BICDL2: variants seen among roughly 807,000 people sequenced by gnomAD.
BICDL2 encodes the protein BICD family-like cargo adapter 2.
A neutral mutation model predicts 56.6 loss-of-function variants in BICDL2; 62 were observed. That is an observed-to-expected ratio of 1.10 (90% CI 0.89 to 1.35). The LOEUF (loss-of-function observed/expected upper bound fraction) is 1.35, where lower values mean the gene tolerates loss of function less well. Among genes scored for constraint, BICDL2 ranks in the 40% most tolerant of loss-of-function variants. The pLI is 0.00. For synonymous variants in BICDL2, 358 were observed against 319.8 expected (o/e 1.12, Z -1.27); for missense variants, 808 against 684.5 (o/e 1.18, Z -2.01).
intron 5 of BICDL2, 78 bp from the exon 6 acceptor site, chr16:3,029,817 A>C: frequency 2.4e-6 from 3 of 1,271,846 alleles, no homozygotes; most frequent in Non-Finnish European, 3.1e-6. Context: ...GCAGGTCCAC[A>C]CGGGGGTGCC....
Position 3,028,291 on chromosome 16 carries a change from C to T in BICDL2, c.1360-18G>A. The stretch of plus-strand genomic sequence containing the variant: ...ATGTCGTCCTGCGGGAGGCCGTGGT[C>T]GGCTCAGCGCCGGTCCCGCCCCTTG... On this transcript the variant is annotated intron_variant, in intron 9 of 9. Coordinates refer to ENST00000572449, the MANE Select transcript of BICDL2 (RefSeq NM_001369667.1). The T allele has an allele frequency of 1.3e-6, 2 of 1,493,300 alleles. No individual in the cohort carries two copies. Among genetic ancestry groups the T allele is most frequent in the South Asian group, 1.3e-5 (1 of 76,420 alleles). The allele number at this position is 1,493,300 out of a possible 1,614,324, so 92.5% of individuals were successfully genotyped here.
At chr16:3,033,269 C>T (rs1955681863) in intron 2 of BICDL2, among the ~76,000 whole-genome samples, 1 of 152,136 alleles carries the variant, frequency 6.6e-6, no homozygotes, top group Non-Finnish European at 1.5e-5. Flanking sequence ...CGCACCACTG[C>T]ACTCCAGCCT....
At chr16:3,031,203 G>A in intron 2 of BICDL2, 53 bp from the exon 3 acceptor site, 1 of 1,472,396 alleles carries the variant, frequency 6.8e-7, no homozygotes, top group Non-Finnish European at 9.1e-7. Context: ...ATGAGACTGG[G>A]CAGGCACAGA....
At chr16:3,033,608 T>C (rs2526278) in intron 2 of BICDL2, among the ~76,000 whole-genome samples, 91,053 of 151,886 alleles carry the variant, frequency 0.6, 27,607 homozygotes, top group Non-Finnish European at 0.62. Flanking sequence ...TGGTGAGACC[T>C]CATCTCTACA....
At position 3,029,658 on chromosome 16, in the gene BICDL2, C is replaced by A; in HGVS notation, c.844G>T (p.Glu282Ter). The A allele has an allele frequency of 6.5e-7, 1 of 1,537,194 alleles. No homozygotes were observed. The highest frequency in any genetic ancestry group is 8.7e-7 in the Non-Finnish European group (1 of 1,146,782). The change falls in exon 6 of 10, where the codon GAG (glutamate) becomes TAG (stop). Residue 282 changes from glutamate to a stop codon, truncating the protein, a stop_gained. Transcript: ENST00000572449. LOFTEE classifies it high-confidence loss of function. ...LQRRVSELEEESRLQDADVSA... is the reference protein window; with the variant it reads ...LQRRVSELEE Reference sequence around the variant, plus strand: ...ACGTCGGCGTCCTGGAGGCGTGACTCCTCCTCCAGCTCGGAGACGCGCCGC... The same window carrying A: ...ACGTCGGCGTCCTGGAGGCGTGACTACTCCTCCAGCTCGGAGACGCGCCGC...
chr16:3,031,569 C>G (rs891812002), intron 2 of BICDL2: 7 of 416,684 alleles, frequency 1.7e-5, no homozygotes, highest in Non-Finnish European at 3.0e-5. Context: ...CCAGCTCCTC[C>G]TAGCCAGTTC....
rs1382738959 is a variant in BICDL2, at chr16:3,028,087, A to G, written c.*19T>C. On this transcript the variant is annotated 3_prime_UTR_variant, in exon 10 of 10. Transcript: ENST00000572449. ...AGTGAGCCCCTAAGTGGGCAAGGGC[A>G]GCCCTCTGGGCCCAGCCGTCAGGTC... The G allele has an allele frequency of 8.5e-6, 12 of 1,407,520 alleles. No individual in the cohort carries two copies. The highest frequency in any genetic ancestry group is 1.0e-5 in the Non-Finnish European group (11 of 1,083,218). The allele number at this position is 1,407,520 out of a possible 1,614,324, so 87.2% of individuals were successfully genotyped here.
intron 4 of BICDL2, 46 bp downstream of exon 4, chr16:3,030,650 C>T (rs201834174): frequency 1.7e-5 from 27 of 1,594,526 alleles, no homozygotes; most frequent in East Asian, 6.8e-5. Context: ...GCCCTCAGCC[C>T]GGCTTTTTTG....
chr16:3,035,120 TCCTTCCCTTGCCTGACTC>T (rs1187937904), intron 2 of BICDL2, 77 bp downstream of exon 2: 2 of 1,240,724 alleles, frequency 1.6e-6, no homozygotes. Flanking sequence ...AGCTCCTCTC[TCCTTCCCTTGCCTGACTC>T]CCTTCCCTTG....
chr16:3,028,642 C>A, intron 8 of BICDL2, 58 bp downstream of exon 8: 1 of 1,537,098 alleles, frequency 6.5e-7, no homozygotes, highest in Non-Finnish European at 8.8e-7. Context: ...GAAGAGGAAT[C>A]AGGAGCCCAG....
Position 3,035,411 on chromosome 16 carries a change from A to T in BICDL2, c.86T>A (p.Phe29Tyr). 6.2e-7 allele frequency: 1 copy of T among 1,612,526 alleles called. No homozygotes were observed. Among genetic ancestry groups the T allele is most frequent in the Non-Finnish European group, 8.5e-7 (1 of 1,179,744 alleles). Residue 29 changes from phenylalanine to tyrosine, a missense_variant, in exon 2 of 10, where the codon TTT becomes TAT. Transcript: ENST00000572449. ...SPSGDEGFFP[F>Y]VLERRDSFLG... ...GAATGAGTCCCGCCGCTCCAGCACA[A>T]AGGGGAAGAAGCCCTCGTCGCCGCT... is the stretch of plus-strand genomic sequence containing the variant.
At chr16:3,036,814 CA>C in intron 1 of BICDL2, 79 bp downstream of exon 1, 1 of 333,820 alleles carries the variant, frequency 3.0e-6, no homozygotes, top group Non-Finnish European at 5.8e-6. Flanking sequence ...CCGGCTCCCC[CA>C]CCTTCTCCGC....
In BICDL2 at chr16:3,029,275, C is replaced by T; in HGVS notation, c.1107+5G>A. The T allele has an allele frequency of 6.2e-7, 1 of 1,609,924 alleles. No homozygotes were observed. On this transcript the variant is annotated splice_donor_5th_base_variant and intron_variant, in intron 7 of 9. Transcript: ENST00000572449. ...GTGCATCCAGCACCGTGCCCTCTGC[C>T]CCACCTCATCTTGCAGCTTGGCCAC...
At position 3,035,226 on chromosome 16, in the gene BICDL2, C is replaced by G; in HGVS notation, c.271G>C (p.Glu91Gln). ...CAGTGCTAGCTCACTTCCTCACGCTCCAAGTGCTGGGCGCTCAGCGTCTCC... is the reference window on the plus strand; with the variant it reads ...CAGTGCTAGCTCACTTCCTCACGCTGCAAGTGCTGGGCGCTCAGCGTCTCC... ...QLETLSAQHLEREERLQQENH... is the reference protein window; with the variant it reads ...QLETLSAQHLQREERLQQENH... The change falls in exon 2 of 10, where the codon GAG (glutamate) becomes CAG (glutamine). Residue 91 changes from glutamate to glutamine, a missense_variant. Glu to Gln is a conservative substitution (Grantham distance 29, BLOSUM62 2). Transcript: ENST00000572449. 2.3e-6 allele frequency: 3 copies of G among 1,313,182 alleles called. No homozygotes were observed. Among genetic ancestry groups the G allele is most frequent in the Non-Finnish European group, 2.0e-6 (2 of 998,008 alleles). The allele number at this position is 1,313,182 out of a possible 1,614,324, so 81.3% of individuals were successfully genotyped here.
At position 3,027,959 on chromosome 16, in the gene BICDL2, C is replaced by T; in HGVS notation, c.*147G>A. 8.2e-7 allele frequency: 1 copy of T among 1,221,042 alleles called. No homozygotes were observed. Among genetic ancestry groups the T allele is most frequent in the Non-Finnish European group, 1.1e-6 (1 of 926,840 alleles). 75.6% of individuals were successfully genotyped at this position (1,221,042 alleles called of 1,614,324 possible). A position where few individuals can be genotyped will look rare whatever the true frequency, so the allele number is the denominator to read the frequency against. On this transcript the variant is annotated 3_prime_UTR_variant, in exon 10 of 10. Coordinates refer to ENST00000572449, the MANE Select transcript of BICDL2 (RefSeq NM_001369667.1). Reference sequence around the variant, plus strand: ...AGCTGGCCCCTGCTCCGGATGAGCCCCTGCTCCCGATGAGCCCTTGCCCAG... The same window carrying T: ...AGCTGGCCCCTGCTCCGGATGAGCCTCTGCTCCCGATGAGCCCTTGCCCAG...
chr16:3,035,977 T>C (rs1031420476), intron 1 of BICDL2: 131 of 312,390 alleles, frequency 4.2e-4, no homozygotes, highest in Non-Finnish European at 5.3e-4. Flanking sequence ...AACTGAGGTA[T>C]CTTCGCCCCC....
At chr16:3,033,928 GA>G (rs1955691798) in intron 2 of BICDL2, among the ~76,000 whole-genome samples, 1 of 152,194 alleles carries the variant, frequency 6.6e-6, no homozygotes, top group Non-Finnish European at 1.5e-5. Context: ...CTTGTGTTGA[GA>G]TGCCCACTAG....
chr16:3,035,885 C>G, intron 1 of BICDL2: 1 of 304,226 alleles, frequency 3.3e-6, no homozygotes, highest in Non-Finnish European at 6.3e-6. Context: ...AGACAGTTCC[C>G]AGAACCCAGG....
chr16:3,028,897 C>A, intron 7 of BICDL2, 67 bp from the exon 8 acceptor site: 1 of 1,490,846 alleles, frequency 6.7e-7, no homozygotes, highest in Non-Finnish European at 8.9e-7. Flanking sequence ...TCCCAGCAGC[C>A]CCGACTCTGG....
Sources: gnomAD v4.1 joint callset for allele counts (sites outside exome capture counted in the v4.1 genomes callset) on GRCh38, gnomAD v4.1.1 for gene constraint, MANE v1.5 for transcripts, NCBI Gene and HGNC (gene_info 2026-07-23, HGNC 2026-07-21) for gene names.